The following GALC variants were observed in gnomAD, a reference collection of about 807,000 sequenced individuals.
GALC encodes the protein galactosylceramidase, also known as galactocerebrosidase.
GALC carries 77 observed loss-of-function variants against 91.8 expected under a neutral mutation model. That is an observed-to-expected ratio of 0.84 (90% confidence interval 0.70 to 1.01). GALC has a LOEUF of 1.01. Ranked by LOEUF, GALC falls within the 50% of genes least tolerant of loss-of-function variation. The pLI, the probability that GALC is intolerant of heterozygous loss-of-function variation, is 0.00. For synonymous variants in GALC, 357 were observed against 306.7 expected (o/e 1.16, Z -1.71); for missense variants, 882 against 855.9 (o/e 1.03, Z -0.38).
intron 12 of GALC, among the ~76,000 whole-genome samples, chr14:87,949,619 G>GGAA (rs1885221848): frequency 6.6e-6 from 1 of 151,976 alleles, no homozygotes; most frequent in Non-Finnish European, 1.5e-5. Context: ...GATACAGAGG[G>GGAA]TGAGTGGGAA....
At chr14:87,981,595 T>G (rs938056647) in intron 6 of GALC, 1 of 155,174 alleles carries the variant, frequency 6.4e-6, no homozygotes, top group Non-Finnish European at 1.5e-5. Flanking sequence ...ACCTGAAAAG[T>G]GAAACTGCCA....
At position 87,965,639 on chromosome 14, in the gene GALC, T is replaced by C. The variant is rs398123178; in HGVS notation, c.909-10A>G. 25 of 1,612,978 alleles carry C rather than the reference T, an allele frequency of 1.5e-5. No individual in the cohort carries two copies. Among genetic ancestry groups the C allele is most frequent in the Non-Finnish European group, 2.0e-5 (24 of 1,179,340 alleles). ...ATTCCATGCGATTGTGCTAAAAGAT[T>C]TGATAAAAAAGAAACACCAAGACAA... On this transcript the variant is annotated splice_polypyrimidine_tract_variant and intron_variant, in intron 8 of 16. Transcript: ENST00000261304.
chr14:87,963,445 C>G lies in GALC; in HGVS notation c.1100G>C (p.Gly367Ala). ...ATCAGTCAGAGCTACGTAGCTTCCT[C>G]CTTTCTCTAAATGGCCAACTGTCTT... ...YLKTVGHLEK[G>A]GSYVALTDGL... is the part of the protein sequence containing the mutation. Residue 367 changes from glycine to alanine, a missense_variant, in exon 10 of 17, where the codon GGA becomes GCA. Transcript: ENST00000261304. 6.2e-7 allele frequency: 1 copy of G among 1,613,320 alleles called. No individual in the cohort carries two copies. The highest frequency in any genetic ancestry group is 8.5e-7 in the Non-Finnish European group (1 of 1,179,416).
intron 10 of GALC, chr14:87,954,304 C>T: frequency 6.3e-7 from 1 of 1,575,082 alleles, no homozygotes. Flanking sequence ...GTTGATTTCA[C>T]TATACTGACA....
intron 7 of GALC, among the ~76,000 whole-genome samples, chr14:87,970,361 A>G (rs909602009): frequency 6.6e-6 from 1 of 152,070 alleles, no homozygotes; most frequent in Non-Finnish European, 1.5e-5. Flanking sequence ...ACTTTTCTAC[A>G]TTTTCCAAAT....
chr14:87,965,372 A>G, intron 9 of GALC, 133 bp downstream of exon 9: 1 of 965,632 alleles, frequency 1.0e-6, no homozygotes, highest in Non-Finnish European at 1.6e-6. Context: ...AAACACTGGC[A>G]AATCTTGCTT....
chr14:87,934,317 A>G lies in GALC; in HGVS notation c.*415T>C, dbSNP rs1415917477. Reference sequence around the variant, plus strand: ...GGCAGCATCATCTTGTGATGAAGACACTGGCTCACTTGGACACACGGTCAG... The same window carrying G: ...GGCAGCATCATCTTGTGATGAAGACGCTGGCTCACTTGGACACACGGTCAG... On this transcript the variant is annotated 3_prime_UTR_variant, in exon 17 of 17. Coordinates refer to ENST00000261304, the MANE Select transcript of GALC (RefSeq NM_000153.4). 7.8e-7 allele frequency: 1 copy of G among 1,282,914 alleles called. No homozygotes were observed. The highest frequency in any genetic ancestry group is 3.6e-5 in the East Asian group (1 of 27,938). The allele number at this position is 1,282,914 out of a possible 1,614,324, so 79.5% of individuals were successfully genotyped here.
chr14:87,951,671 T>C (rs140907216), intron 10 of GALC, among the ~76,000 whole-genome samples: 1 of 151,864 alleles, frequency 6.6e-6, no homozygotes, highest in Non-Finnish European at 1.5e-5. Flanking sequence ...AAATCAGAAA[T>C]GAATAACTGA....
chr14:87,933,961 G>A lies in GALC; in HGVS notation c.*771C>T, dbSNP rs773601108. ...TGAGGCTGAGGAAACGACTACAACAGCATTGGCTATATCAGGTTTTCTTCC... is the reference window on the plus strand; with the variant it reads ...TGAGGCTGAGGAAACGACTACAACAACATTGGCTATATCAGGTTTTCTTCC... On this transcript the variant is annotated 3_prime_UTR_variant, in exon 17 of 17. Coordinates refer to ENST00000261304, the MANE Select transcript of GALC (RefSeq NM_000153.4). 9.8e-6 allele frequency: 15 copies of A among 1,530,086 alleles called. No homozygotes were observed. Among genetic ancestry groups the A allele is most frequent in the Non-Finnish European group, 1.2e-5 (14 of 1,141,832 alleles). The allele number at this position is 1,530,086 out of a possible 1,614,324, so 94.8% of individuals were successfully genotyped here. A position where few individuals can be genotyped will look rare whatever the true frequency, so the allele number is the denominator to read the frequency against.
chr14:87,979,635 A>G (rs1444327373), intron 6 of GALC, among the ~76,000 whole-genome samples: 1 of 152,252 alleles, frequency 6.6e-6, no homozygotes, highest in Non-Finnish European at 1.5e-5. Flanking sequence ...TTAAAAGAAA[A>G]TGGAAACCGT....
intron 8 of GALC, among the ~76,000 whole-genome samples, chr14:87,966,975 G>A (rs984718757): frequency 6.6e-6 from 1 of 152,136 alleles, no homozygotes; most frequent in African/African-American, 2.4e-5. Context: ...CTGACTAGAT[G>A]GACAGAATAC....
Position 87,992,980 on chromosome 14 carries a change from C to G in GALC, c.185G>C (p.Ser62Thr). 1 of 1,526,242 alleles carries G rather than the reference C, an allele frequency of 6.6e-7. No homozygotes were observed. Among genetic ancestry groups the G allele is most frequent in the Non-Finnish European group, 8.7e-7 (1 of 1,145,958 alleles). The allele number at this position is 1,526,242 out of a possible 1,614,324, so 94.5% of individuals were successfully genotyped here. ...CAGCTTGCCGCTCACCCCGCCGCCG[C>G]TGACCGCGCCGATGCCGTCGAACTC... ...GREFDGIGAV[S>T]GGGATSRLLV... The change falls in exon 1 of 17, where the codon AGC becomes ACC. Residue 62 changes from serine (S) to threonine (T), a missense_variant. Transcript: ENST00000261304.
intron 8 of GALC, 54 bp from the exon 9 acceptor site, chr14:87,965,683 A>C: frequency 6.3e-7 from 1 of 1,592,506 alleles, no homozygotes; most frequent in Non-Finnish European, 8.6e-7. Context: ...AAAAATGTAA[A>C]TGTCTAAAAA....
At chr14:87,988,265 A>G in intron 2 of GALC, 58 bp from the exon 3 acceptor site, 1 of 1,455,106 alleles carries the variant, frequency 6.9e-7, no homozygotes, top group South Asian at 1.1e-5. Context: ...CTTCAAGACA[A>G]TTACTAATTA....
rs754732860 is a variant in GALC, at chr14:87,941,400, T to G, written c.1829A>C (p.Asp610Ala). 6.4e-7 allele frequency: 1 copy of G among 1,564,958 alleles called. No homozygotes were observed. Among genetic ancestry groups the G allele is most frequent in the Non-Finnish European group, 8.7e-7 (1 of 1,151,986 alleles). ...AAAAAAAAAAAGTCAGTTACCTAAATCACCTGTAACCCTGTAAGATCCATT... is the reference window on the plus strand; with the variant it reads ...AAAAAAAAAAAGTCAGTTACCTAAAGCACCTGTAACCCTGTAAGATCCATT... ...FANGSYRVTG[D>A]LAGWIIYALG... The change falls in exon 15 of 17, where the codon GAT (aspartate) becomes GCT (alanine). Residue 610 changes from aspartate to alanine, a missense_variant. Physicochemically the swap from Asp to Ala is moderately radical, Grantham distance 126. Transcript: ENST00000261304.
intron 10 of GALC, chr14:87,963,182 G>A (rs1212949394): frequency 3.7e-6 from 2 of 541,012 alleles, no homozygotes; most frequent in East Asian, 3.4e-5. Flanking sequence ...AAAGATGAGA[G>A]CCAACTATTT....
intron 7 of GALC, among the ~76,000 whole-genome samples, chr14:87,971,745 C>T (rs7149483): frequency 0.041 from 6,192 of 152,258 alleles, 421 homozygotes; most frequent in African/African-American, 0.14. Flanking sequence ...AAACTAGCCA[C>T]ATTTCAAGTG....
Position 87,953,368 on chromosome 14 carries a change from C to G in GALC, c.1162-2620G>C, listed in dbSNP as rs1885389595. Reference sequence around the variant, plus strand: ...AATATCTGAAGAGAATTCCATTCAACTTGATGATTTTACAGAAGCATATGA... The same window carrying G: ...AATATCTGAAGAGAATTCCATTCAAGTTGATGATTTTACAGAAGCATATGA... On this transcript the variant is annotated intron_variant, in intron 10 of 16. Transcript: ENST00000261304. 6 of 1,420,742 alleles carry G rather than the reference C, an allele frequency of 4.2e-6. No individual in the cohort carries two copies. In the Admixed American group the frequency reaches 1.0e-4, roughly 24 times the overall value. 88.0% of individuals were successfully genotyped at this position (1,420,742 alleles called of 1,614,324 possible). A position where few individuals can be genotyped will look rare whatever the true frequency, so the allele number is the denominator to read the frequency against.
In GALC at chr14:87,992,604, G is replaced by A. The variant is rs1887252088; in HGVS notation, c.195+366C>T. On this transcript the variant is annotated intron_variant, in intron 1 of 16. Coordinates refer to ENST00000261304, the MANE Select transcript of GALC (RefSeq NM_000153.4). ...CGCACTCCCTGGCCCTTTCTGGAGCGACGCTCCCCGACTGCCATCTCCGCG... is the reference window on the plus strand; with the variant it reads ...CGCACTCCCTGGCCCTTTCTGGAGCAACGCTCCCCGACTGCCATCTCCGCG... 4.8e-6 allele frequency: 7 copies of A among 1,450,208 alleles called. No homozygotes were observed. In the South Asian group the frequency reaches 8.6e-5, roughly 18 times the overall value. The allele number at this position is 1,450,208 out of a possible 1,614,324, so 89.8% of individuals were successfully genotyped here.
Sources: gnomAD v4.1 joint callset for allele counts (sites outside exome capture counted in the v4.1 genomes callset) on GRCh38, gnomAD v4.1.1 for gene constraint, MANE v1.5 for transcripts, NCBI Gene and HGNC (gene_info 2026-07-23, HGNC 2026-07-21) for gene names.